The following NBAS variants were observed in gnomAD, a reference collection of about 807,000 sequenced individuals.
The protein encoded by NBAS is NBAS subunit of NRZ tethering complex, also known as NAG/BC035112 fusion.
In NBAS, 219 loss-of-function variants were observed where a neutral mutation model predicts 302.5. That is an observed-to-expected ratio of 0.72 (90% CI 0.65 to 0.81). The LOEUF (loss-of-function observed/expected upper bound fraction) is 0.81, where lower values mean the gene tolerates loss of function less well. Ranked by LOEUF, NBAS falls within the 30% of genes least tolerant of loss-of-function variation. NBAS has a pLI of 0.00. For missense variants in NBAS, 2,932 were observed against 2,841.6 expected, an observed-to-expected ratio of 1.03 and a Z score of -0.72; for synonymous variants, 1,118 against 1,021.6, an observed-to-expected ratio of 1.09 and a Z score of -1.80.
chr2:14,905,920 C>G, the NBAS span, among the ~76,000 whole-genome samples: 1 of 152,196 alleles, frequency 6.6e-6, no homozygotes, highest in African/African-American at 2.4e-5. Context: ...CTTTCTTTGT[C>G]TCAATGTGAT....
the NBAS span, among the ~76,000 whole-genome samples, chr2:14,823,806 A>G: frequency 5.3e-5 from 8 of 152,360 alleles, no homozygotes; most frequent in South Asian, 1.0e-3. Flanking sequence ...TGTGGTTTAA[A>G]AAGGGAATTT....
At chr2:15,468,343 G>A in intron 17 of NBAS, 39 bp downstream of exon 17, 1 of 1,612,494 alleles carries the variant, frequency 6.2e-7, no homozygotes, top group Non-Finnish European at 8.5e-7. Context: ...TTTTCACAAA[G>A]TCACCTTTAC....
At chr2:14,915,624 G>A in the NBAS span, among the ~76,000 whole-genome samples, 52 of 152,182 alleles carry the variant, frequency 3.4e-4, no homozygotes, top group East Asian at 3.1e-3. Flanking sequence ...GTACAGTGGC[G>A]TAATCTTGGC....
intron 44 of NBAS, among the ~76,000 whole-genome samples, chr2:15,258,149 C>G (rs1205968527): frequency 6.6e-6 from 1 of 152,174 alleles, no homozygotes; most frequent in Non-Finnish European, 1.5e-5. Context: ...TTATCACTTC[C>G]CTAATACTCA....
At chr2:15,316,102 A>AAAAT (rs1239822497) in intron 38 of NBAS, among the ~76,000 whole-genome samples, 7 of 152,336 alleles carry the variant, frequency 4.6e-5, no homozygotes, top group East Asian at 1.9e-4. Flanking sequence ...TTAAACATAA[A>AAAAT]AAATAAATAA....
At chr2:15,346,135 C>G in intron 35 of NBAS, among the ~76,000 whole-genome samples, 1 of 152,096 alleles carries the variant, frequency 6.6e-6, no homozygotes, top group East Asian at 1.9e-4. Context: ...GCAATTGCAA[C>G]AAAAGCCAAA....
chr2:15,032,377 G>C, the NBAS span, among the ~76,000 whole-genome samples: 1 of 150,612 alleles, frequency 6.6e-6, no homozygotes, highest in Non-Finnish European at 1.5e-5. Context: ...CTGAACAATA[G>C]AGAACAAGAA....
At chr2:15,488,832 A>G (rs953162314) in intron 12 of NBAS, 62 bp downstream of exon 12, 1 of 1,595,604 alleles carries the variant, frequency 6.3e-7, no homozygotes, top group Non-Finnish European at 8.6e-7. Flanking sequence ...TCAATAAAAT[A>G]AAATTAGTAT....
intron 47 of NBAS, among the ~76,000 whole-genome samples, chr2:15,220,337 A>G (rs1666896716): frequency 6.6e-6 from 1 of 152,234 alleles, no homozygotes; most frequent in Non-Finnish European, 1.5e-5. Context: ...AGTAGGCATC[A>G]TAAGTTACTT....
At chr2:15,447,881 G>A (rs1215416537) in intron 21 of NBAS, among the ~76,000 whole-genome samples, 1 of 152,128 alleles carries the variant, frequency 6.6e-6, no homozygotes, top group Non-Finnish European at 1.5e-5. Flanking sequence ...CAGAAGCTAG[G>A]AAATCCAAAA....
chr2:15,262,694 C>T lies in NBAS; in HGVS notation c.5724+12790G>A, dbSNP rs80124439. On this transcript the variant is annotated intron_variant, in intron 44 of 51. Transcript: ENST00000281513. The stretch of plus-strand genomic sequence containing the variant: ...CTACAACATTAAACAATAAAGTTTC[C>T]CAGATTTTCCTGTGTCTATGTTCAT... Among the ~76,000 whole-genome samples the T allele has an allele frequency of 8.9e-3, 1,358 of 152,126 alleles. 9 individuals are homozygous for T. Among genetic ancestry groups the T allele is most frequent in the Non-Finnish European group, 0.015 (1,011 of 67,982 alleles).
the NBAS span, among the ~76,000 whole-genome samples, chr2:15,104,866 G>A: frequency 6.6e-6 from 1 of 151,972 alleles, no homozygotes; most frequent in Non-Finnish European, 1.5e-5. Flanking sequence ...AGAAGTGTCT[G>A]TTCATATCTT....
At chr2:15,439,331 T>C (rs1196231595) in intron 21 of NBAS, among the ~76,000 whole-genome samples, 1 of 149,268 alleles carries the variant, frequency 6.7e-6, no homozygotes, top group Non-Finnish European at 1.5e-5. Context: ...AAAAAGAATA[T>C]TACCCCAGCA....
chr2:15,186,587 T>C (rs1034115872), intron 50 of NBAS, among the ~76,000 whole-genome samples, 155 bp downstream of exon 50: 2 of 152,194 alleles, frequency 1.3e-5, no homozygotes, highest in Non-Finnish European at 2.9e-5. Context: ...CTTTCAGCAC[T>C]GCTTTTCTTC....
the NBAS span, among the ~76,000 whole-genome samples, chr2:14,870,693 G>T: frequency 3.3e-5 from 5 of 151,258 alleles, no homozygotes; most frequent in African/African-American, 1.2e-4. Flanking sequence ...AAAAAATCCA[G>T]TATGCAATAA....
At chr2:14,794,483 T>G in the NBAS span, among the ~76,000 whole-genome samples, 1 of 152,216 alleles carries the variant, frequency 6.6e-6, no homozygotes, top group Non-Finnish European at 1.5e-5. Context: ...ATTCATTTAT[T>G]GTAAGCCGAG....
At chr2:14,897,148 G>A in the NBAS span, among the ~76,000 whole-genome samples, 1 of 151,776 alleles carries the variant, frequency 6.6e-6, no homozygotes, top group Non-Finnish European at 1.5e-5. Context: ...ATCACACAGC[G>A]AGCAGGTGGC....
chr2:14,794,333 A>T, the NBAS span, among the ~76,000 whole-genome samples: 1 of 152,300 alleles, frequency 6.6e-6, no homozygotes, highest in African/African-American at 2.4e-5. Context: ...GGTATATTTG[A>T]TACTTAACTA....
chr2:14,891,877 C>G, the NBAS span, among the ~76,000 whole-genome samples: 34 of 152,310 alleles, frequency 2.2e-4, no homozygotes, highest in African/African-American at 7.2e-4. Flanking sequence ...CTCAGGGTGA[C>G]AAGAGGTAGC....
Sources: allele counts gnomAD v4.1 joint callset (sites outside exome capture counted in the v4.1 genomes callset), GRCh38; gene constraint gnomAD v4.1.1; transcripts MANE v1.5; gene names NCBI Gene and HGNC (gene_info 2026-07-23, HGNC 2026-07-21).